Variants in FAM135A observed in about 807,000 individuals in gnomAD.
FAM135A encodes the protein family with sequence similarity 135 member A.
In FAM135A, 79 loss-of-function variants were observed where a neutral mutation model predicts 146.8. The observed-to-expected ratio is 0.54, with a 90% CI of 0.45 to 0.65. The LOEUF (loss-of-function observed/expected upper bound fraction) is 0.65. Ranked by LOEUF, FAM135A falls within the 30% of genes least tolerant of loss-of-function variation. The pLI, the probability that FAM135A is intolerant of heterozygous loss-of-function variation, is 0.00. For missense variants in FAM135A, 1,623 were observed against 1,758.2 expected, an observed-to-expected ratio of 0.92 and a Z score of 1.38; for synonymous variants, 562 against 603.6, an observed-to-expected ratio of 0.93 and a Z score of 1.01.
intron 5 of FAM135A, among the ~76,000 whole-genome samples, chr6:70,467,475 C>T (rs1313740536): frequency 6.6e-6 from 1 of 152,036 alleles, no homozygotes; most frequent in Non-Finnish European, 1.5e-5. Flanking sequence ...AATTTGTTAA[C>T]AATTATCTCC....
intron 5 of FAM135A, among the ~76,000 whole-genome samples, chr6:70,453,475 T>G (rs1344233428): frequency 1.3e-5 from 2 of 152,216 alleles, no homozygotes; most frequent in Non-Finnish European, 2.9e-5. Flanking sequence ...CAGGTTTGTT[T>G]GCATATGTAT....
chr6:70,557,960 A>G (rs540049034), intron 21 of FAM135A, among the ~76,000 whole-genome samples: 178 of 152,332 alleles, frequency 1.2e-3, no homozygotes, highest in Admixed American at 3.1e-3. Flanking sequence ...AGCAAAGGCT[A>G]GAGTCCACCT....
In FAM135A at chr6:70,524,929, A is replaced by G. The variant is rs1404872396; in HGVS notation, c.1845A>G (p.Ser615=). 1 of 1,611,654 alleles carries G rather than the reference A, an allele frequency of 6.2e-7. No individual in the cohort carries two copies. Residue 615 remains serine (S), a synonymous_variant, in exon 15 of 22, where the codon TCA becomes TCG. Coordinates refer to ENST00000418814, the MANE Select transcript of FAM135A (RefSeq NM_001162529.3). ...NLNLCANLSI[S]GKLDISQDDS... is the part of the protein sequence containing the mutation. ...ATCTTTGTGCAAATTTGTCCATTTC[A>G]GGTAAACTTGATATCTCCCAGGACG...
intron 5 of FAM135A, among the ~76,000 whole-genome samples, chr6:70,454,286 C>A (rs1483523650): frequency 1.3e-5 from 2 of 152,002 alleles, no homozygotes; most frequent in Non-Finnish European, 2.9e-5. Flanking sequence ...TGTTTAAGTT[C>A]TTTGTAGATT....
intron 8 of FAM135A, among the ~76,000 whole-genome samples, chr6:70,479,782 T>C (rs1783363997): frequency 6.6e-6 from 1 of 152,210 alleles, no homozygotes; most frequent in Non-Finnish European, 1.5e-5. Context: ...ATTTTTATGG[T>C]CAATGCAATC....
intron 5 of FAM135A, among the ~76,000 whole-genome samples, chr6:70,472,373 G>A (rs1488564008): frequency 6.6e-6 from 1 of 152,068 alleles, no homozygotes; most frequent in East Asian, 1.9e-4. Context: ...GTTTCCCGAA[G>A]CATCTCAAAC....
intron 11 of FAM135A, among the ~76,000 whole-genome samples, chr6:70,497,210 C>T (rs987069043): frequency 1.3e-5 from 2 of 152,090 alleles, no homozygotes; most frequent in African/African-American, 2.4e-5. Context: ...TGAAGAGGTC[C>T]TTCACATCCC....
Position 70,482,135 on chromosome 6 carries a change from T to A in FAM135A, c.804T>A (p.Ser268=). 1.9e-6 allele frequency: 3 copies of A among 1,613,508 alleles called. No individual in the cohort carries two copies. Among genetic ancestry groups the A allele is most frequent in the Non-Finnish European group, 2.5e-6 (3 of 1,179,708 alleles). ...YFITVTEEIP[S]CQKLELEEMD... ...TTACAGTAACAGAAGAGATTCCTTC[T>A]TGTCAGAAACTAGAACTGGGTATGT... Residue 268 remains serine, a synonymous_variant, in exon 10 of 22, where the codon TCT becomes TCA. Coordinates refer to ENST00000418814, the MANE Select transcript of FAM135A (RefSeq NM_001162529.3).
intron 18 of FAM135A, chr6:70,536,044 A>G (rs1582823685): frequency 2.4e-6 from 1 of 421,656 alleles, no homozygotes; most frequent in Non-Finnish European, 4.1e-6. Context: ...TGTTGTTTCT[A>G]TAAACATTTA....
chr6:70,481,388 C>A (rs568889076), intron 9 of FAM135A, among the ~76,000 whole-genome samples: 15 of 152,262 alleles, frequency 9.9e-5, no homozygotes, highest in African/African-American at 3.6e-4. Context: ...GTGGCTCACG[C>A]CTGTAATCCC....
chr6:70,532,007 C>G (rs950271188), intron 16 of FAM135A, among the ~76,000 whole-genome samples: 3 of 150,728 alleles, frequency 2.0e-5, no homozygotes, highest in Admixed American at 2.0e-4. Flanking sequence ...CTCAGCTTCC[C>G]GAGTAGCTGG....
intron 13 of FAM135A, among the ~76,000 whole-genome samples, chr6:70,523,526 G>T (rs1794051500): frequency 6.6e-6 from 1 of 152,050 alleles, no homozygotes; most frequent in Non-Finnish European, 1.5e-5. Context: ...TAAAATAGCT[G>T]TTAATTTTAT....
intron 10 of FAM135A, among the ~76,000 whole-genome samples, chr6:70,484,677 G>A (rs983822657): frequency 3.3e-5 from 5 of 152,130 alleles, no homozygotes; most frequent in South Asian, 2.1e-4. Flanking sequence ...TAGTGTTCAC[G>A]CTCCTATGAG....
At chr6:70,487,071 G>A (rs2747705) in intron 10 of FAM135A, among the ~76,000 whole-genome samples, 125,771 of 134,632 alleles carry the variant, frequency 0.93, 58,839 homozygotes, top group East Asian at 1. Flanking sequence ...CAAGAGAGTC[G>A]GACTCCCATC....
chr6:70,525,241 A>G lies in FAM135A; in HGVS notation c.2157A>G (p.Glu719=). ...CATTTGAAAAGGAAGCTTTGCAAGA[A>G]GCAAAGTGTCTTTCTATTGGAGAAT... ...EITFEKEALQ[E]AKCLSIGESL... The change falls in exon 15 of 22, where the codon GAA becomes GAG. Residue 719 remains glutamate, a synonymous_variant. Transcript: ENST00000418814. 1 of 1,600,220 alleles carries G rather than the reference A, an allele frequency of 6.2e-7. No homozygotes were observed. The highest frequency in any genetic ancestry group is 8.5e-7 in the Non-Finnish European group (1 of 1,175,194).
intron 20 of FAM135A, among the ~76,000 whole-genome samples, chr6:70,551,505 G>A (rs1164552655): frequency 6.6e-6 from 1 of 152,152 alleles, no homozygotes; most frequent in Non-Finnish European, 1.5e-5. Flanking sequence ...CAGCTACTTG[G>A]GAGGTTGAAG....
intron 20 of FAM135A, among the ~76,000 whole-genome samples, chr6:70,548,139 G>A (rs1799185327): frequency 6.6e-6 from 1 of 152,120 alleles, no homozygotes; most frequent in African/African-American, 2.4e-5. Flanking sequence ...GGAGCTTGCT[G>A]TGCTTCACTT....
chr6:70,464,650 CTTTCTTTCTTTTT>C (rs1780025886), intron 5 of FAM135A, among the ~76,000 whole-genome samples: 1 of 134,428 alleles, frequency 7.4e-6, no homozygotes, highest in Non-Finnish European at 1.5e-5. Flanking sequence ...TTCTTTCTTT[CTTTCTTTCTTTTT>C]TTTCTTTTTT....
At chr6:70,430,663 C>G (rs1031645511) in intron 4 of FAM135A, among the ~76,000 whole-genome samples, 2 of 152,196 alleles carry the variant, frequency 1.3e-5, no homozygotes, top group Non-Finnish European at 1.5e-5. Context: ...ATCCTTTTGT[C>G]ATGCTGAGAA....
Sources: gnomAD v4.1 joint callset for allele counts (sites outside exome capture counted in the v4.1 genomes callset) on GRCh38, gnomAD v4.1.1 for gene constraint, MANE v1.5 for transcripts, NCBI Gene and HGNC (gene_info 2026-07-23, HGNC 2026-07-21) for gene names.